VPS50: variants seen among roughly 807,000 people sequenced by gnomAD.
The protein encoded by VPS50 is syndetin.
In VPS50, 70 loss-of-function variants were observed where a neutral mutation model predicts 139.7. The observed-to-expected ratio is 0.50, with a 90% CI of 0.41 to 0.61. The LOEUF is 0.61. Ranked by LOEUF, VPS50 falls within the 20% of genes least tolerant of loss-of-function variation. VPS50 has a pLI of 0.00. For missense variants in VPS50, 921 were observed against 1,133.7 expected, an observed-to-expected ratio of 0.81 and a Z score of 2.69; for synonymous variants, 365 against 376.7, an observed-to-expected ratio of 0.97 and a Z score of 0.36.
intron 12 of VPS50, among the ~76,000 whole-genome samples, chr7:93,285,946 T>C (rs550342804): frequency 6.6e-6 from 1 of 152,180 alleles, no homozygotes; most frequent in African/African-American, 2.4e-5. Flanking sequence ...TTATTAGACA[T>C]GTATGTTGTC....
chr7:93,236,937 CTTTTTTTTTTTTTTTTTTT>C (rs71107889), intron 1 of VPS50, among the ~76,000 whole-genome samples: 20 of 31,032 alleles, frequency 6.4e-4, no homozygotes, highest in African/African-American at 2.8e-3. Flanking sequence ...TCTTTTACTT[CTTTTTTTTTTTTTTTTTTT>C]TTTTTTTTTT....
chr7:93,306,177 T>G (rs1232699410), intron 18 of VPS50, among the ~76,000 whole-genome samples, 173 bp downstream of exon 18: 3 of 151,940 alleles, frequency 2.0e-5, no homozygotes, highest in Admixed American at 6.6e-5. Flanking sequence ...ATATGCTTTG[T>G]TGACCTTGTC....
intron 9 of VPS50, among the ~76,000 whole-genome samples, chr7:93,264,145 GA>G (rs1398450492): frequency 6.6e-6 from 1 of 152,118 alleles, no homozygotes; most frequent in Non-Finnish European, 1.5e-5. Context: ...CCAGTTGGTT[GA>G]AAAATGAAAC....
intron 12 of VPS50, among the ~76,000 whole-genome samples, chr7:93,291,290 T>G (rs1027501254): frequency 9.9e-5 from 15 of 152,102 alleles, no homozygotes; most frequent in African/African-American, 3.6e-4. Context: ...ACAAATGAAA[T>G]GACAGAATTG....
chr7:93,276,074 G>T, intron 11 of VPS50, 91 bp from the exon 12 acceptor site: 1 of 1,208,260 alleles, frequency 8.3e-7, no homozygotes, highest in South Asian at 1.7e-5. Context: ...ACTATTATTT[G>T]AAAAGATGTT....
chr7:93,308,263 C>T (rs1387458143), intron 18 of VPS50, among the ~76,000 whole-genome samples: 2 of 151,746 alleles, frequency 1.3e-5, no homozygotes, highest in Admixed American at 6.6e-5. Flanking sequence ...AGGAAGACAC[C>T]CTTTGTCTCA....
chr7:93,313,770 GTA>G (rs1797340831), intron 20 of VPS50, among the ~76,000 whole-genome samples: 4 of 152,074 alleles, frequency 2.6e-5, no homozygotes, highest in African/African-American at 9.7e-5. Context: ...TTAAAGTAAA[GTA>G]AAGTATGGCA....
At chr7:93,353,547 CTTTCTAAATCTTTT>C in intron 25 of VPS50, 79 bp from the exon 26 acceptor site, 1 of 1,363,570 alleles carries the variant, frequency 7.3e-7, no homozygotes, top group South Asian at 1.4e-5. Flanking sequence ...GATTCTGAGT[CTTTCTAAATCTTTT>C]TTATTTAAAC....
chr7:93,357,489 C>T (rs150703011), intron 27 of VPS50, among the ~76,000 whole-genome samples: 3 of 152,176 alleles, frequency 2.0e-5, no homozygotes, highest in East Asian at 1.9e-4. Flanking sequence ...ACTTACCAGG[C>T]GGGGACAGGT....
rs1242107235 is a variant in VPS50, at chr7:93,288,543, T to G, written c.943-3160T>G. ...AGAAAAAATACACACGTAGGTTTTG[T>G]TAGATCGTGACAAATTCCCCTCCTT... On this transcript the variant is annotated intron_variant, in intron 12 of 27. Coordinates refer to ENST00000305866, the MANE Select transcript of VPS50 (RefSeq NM_017667.4). 3.3e-5 allele frequency among the ~76,000 whole-genome samples: 5 copies of G among 152,288 alleles called. No individual in the cohort carries two copies. In the East Asian group the frequency reaches 9.7e-4, roughly 29 times the overall value.
Position 93,358,311 on chromosome 7 carries a change from G to C in VPS50, c.2776-6G>C. The C allele has an allele frequency of 6.2e-7, 1 of 1,612,334 alleles. No individual in the cohort carries two copies. The highest frequency in any genetic ancestry group is 8.5e-7 in the Non-Finnish European group (1 of 1,178,756). The stretch of plus-strand genomic sequence containing the variant: ...TACTAAATTTGGATCTTTCTTCTTT[G>C]AGCAGGAATATTCAACGAAGCAGCT... On this transcript the variant is annotated splice_region_variant and splice_polypyrimidine_tract_variant and intron_variant, in intron 27 of 27. Coordinates refer to ENST00000305866, the MANE Select transcript of VPS50 (RefSeq NM_017667.4).
At chr7:93,251,227 G>A (rs760446585) in intron 2 of VPS50, among the ~76,000 whole-genome samples, 9 of 152,202 alleles carry the variant, frequency 5.9e-5, no homozygotes, top group South Asian at 2.1e-4. Context: ...ACATGCACAC[G>A]CATGTTTATT....
At chr7:93,285,646 A>T (rs1440519601) in intron 12 of VPS50, among the ~76,000 whole-genome samples, 4 of 152,178 alleles carry the variant, frequency 2.6e-5, no homozygotes, top group Non-Finnish European at 4.4e-5. Flanking sequence ...TGGTTTTGAT[A>T]AGCTAGTTTC....
chr7:93,232,389 AGTGT>A lies in VPS50; in HGVS notation c.-78_-75del. On this transcript the variant is annotated 5_prime_UTR_variant, in exon 1 of 28. It removes the in-frame stop codon of an upstream open reading frame in the 5' UTR. Coordinates refer to ENST00000305866, the MANE Select transcript of VPS50 (RefSeq NM_017667.4). ...ACGTGACCACCCACTATGGCTTCCTAGTGTCAGGGCCAGCTGTGTAGTGGCTCGG... is the reference window on the plus strand; with the variant it reads ...ACGTGACCACCCACTATGGCTTCCTACAGGGCCAGCTGTGTAGTGGCTCGG... 3.3e-6 allele frequency: 4 copies of A among 1,228,594 alleles called. No homozygotes were observed. The highest frequency in any genetic ancestry group is 3.6e-6 in the Non-Finnish European group (3 of 830,702). The allele number at this position is 1,228,594 out of a possible 1,614,324, so 76.1% of individuals were successfully genotyped here.
intron 9 of VPS50, among the ~76,000 whole-genome samples, chr7:93,260,654 G>A (rs1216092510): frequency 3.3e-5 from 5 of 150,140 alleles, no homozygotes; most frequent in African/African-American, 2.5e-5. Flanking sequence ...TCTTTAAAAT[G>A]TGCAGATTGA....
Position 93,352,671 on chromosome 7 carries a change from G to A in VPS50, c.2464-969G>A, listed in dbSNP as rs73712846. Among the ~76,000 whole-genome samples the A allele has an allele frequency of 7.2e-3, 1,097 of 152,202 alleles. 11 individuals are homozygous for A. The highest frequency in any genetic ancestry group is 0.025 in the African/African-American group (1,034 of 41,552). On this transcript the variant is annotated intron_variant, in intron 25 of 27. Coordinates refer to ENST00000305866, the MANE Select transcript of VPS50 (RefSeq NM_017667.4). ...TTCTGTAAATGAGTATATTTAAATA[G>A]CAGTAGTCCAAAGAGACCAAAAACA... is the stretch of plus-strand genomic sequence containing the variant.
At chr7:93,334,668 C>T (rs773943903) in intron 22 of VPS50, among the ~76,000 whole-genome samples, 23 of 152,116 alleles carry the variant, frequency 1.5e-4, no homozygotes, top group Non-Finnish European at 2.6e-4. Context: ...ACTTTATAAA[C>T]GGCTTTGAAA....
intron 17 of VPS50, among the ~76,000 whole-genome samples, chr7:93,303,773 T>G (rs1016644756): frequency 6.6e-6 from 1 of 151,854 alleles, no homozygotes; most frequent in African/African-American, 2.4e-5. Context: ...GTTTACATAC[T>G]TTAGGAAATC....
chr7:93,266,595 C>A (rs970995121), intron 9 of VPS50, among the ~76,000 whole-genome samples: 1 of 152,168 alleles, frequency 6.6e-6, no homozygotes, highest in Non-Finnish European at 1.5e-5. Flanking sequence ...ATGGTAAAAA[C>A]CCTTTGCAGA....
Sources: allele counts gnomAD v4.1 joint callset (sites outside exome capture counted in the v4.1 genomes callset), GRCh38; gene constraint gnomAD v4.1.1; transcripts MANE v1.5; gene names NCBI Gene and HGNC (gene_info 2026-07-23, HGNC 2026-07-21).